GRIN2A: variants seen among roughly 807,000 people sequenced by gnomAD.
GRIN2A encodes the protein glutamate receptor ionotropic, NMDA 2A.
In GRIN2A, 22 loss-of-function variants were observed where a neutral mutation model predicts 113.4. The ratio of observed to expected loss-of-function variants is 0.19; its 90% confidence interval spans 0.14 to 0.28. The LOEUF (loss-of-function observed/expected upper bound fraction) is 0.28, where lower values mean the gene tolerates loss of function less well. Among genes scored for constraint, GRIN2A ranks in the 10% least tolerant of loss-of-function variants. The pLI is 1.00. For synonymous variants in GRIN2A, 827 were observed against 738.4 expected (o/e 1.12, Z -1.94); for missense variants, 1,502 against 1,887.0 (o/e 0.80, Z 3.78).
chr16:10,153,776 T>C (rs1461852466), intron 2 of GRIN2A, among the ~76,000 whole-genome samples: 1 of 152,222 alleles, frequency 6.6e-6, no homozygotes, highest in Non-Finnish European at 1.5e-5. Flanking sequence ...ACCTGCCACT[T>C]GGACAACTGA....
intron 3 of GRIN2A, among the ~76,000 whole-genome samples, chr16:9,902,684 G>A (rs1451845834): frequency 6.6e-6 from 1 of 151,932 alleles, no homozygotes; most frequent in African/African-American, 2.4e-5. Flanking sequence ...GAAAAATGGG[G>A]GGGTGGTACC....
chr16:10,030,161 T>C (rs1287850528), intron 2 of GRIN2A, among the ~76,000 whole-genome samples: 1 of 144,444 alleles, frequency 6.9e-6, no homozygotes, highest in East Asian at 2.1e-4. Flanking sequence ...GCGTTTCAAA[T>C]CATCTTCACG....
chr16:9,782,017 A>G (rs1901968310), intron 11 of GRIN2A, among the ~76,000 whole-genome samples: 1 of 152,216 alleles, frequency 6.6e-6, no homozygotes, highest in Non-Finnish European at 1.5e-5. Flanking sequence ...TTATAATTAA[A>G]GAAATGTGTC....
At chr16:10,006,777 C>G (rs142391585) in intron 2 of GRIN2A, among the ~76,000 whole-genome samples, 93 of 152,268 alleles carry the variant, frequency 6.1e-4, no homozygotes, top group African/African-American at 2.1e-3. Context: ...TCCCAGCACC[C>G]TCTCTCACAA....
At chr16:10,079,888 G>A (rs1184711010) in intron 2 of GRIN2A, among the ~76,000 whole-genome samples, 2 of 152,196 alleles carry the variant, frequency 1.3e-5, no homozygotes, top group African/African-American at 4.8e-5. Flanking sequence ...TGATTTTTAT[G>A]TGTTTGTATC....
At chr16:10,122,019 T>A (rs1293370933) in intron 2 of GRIN2A, among the ~76,000 whole-genome samples, 1 of 152,186 alleles carries the variant, frequency 6.6e-6, no homozygotes, top group African/African-American at 2.4e-5. Flanking sequence ...CACAAAGGCT[T>A]CACGTCAGAT....
intron 3 of GRIN2A, among the ~76,000 whole-genome samples, chr16:9,926,944 G>T (rs2044478766): frequency 6.6e-6 from 1 of 150,524 alleles, no homozygotes. Context: ...AAAAAAACAT[G>T]CACACAACAC....
intron 3 of GRIN2A, among the ~76,000 whole-genome samples, chr16:9,920,592 C>A (rs1275542836): frequency 6.9e-6 from 1 of 145,336 alleles, no homozygotes; most frequent in East Asian, 2.0e-4. Flanking sequence ...CAGATGGAGT[C>A]TTGCTTGCTC....
intron 9 of GRIN2A, among the ~76,000 whole-genome samples, chr16:9,826,686 A>G (rs1264687453): frequency 6.6e-6 from 1 of 152,122 alleles, no homozygotes; most frequent in Non-Finnish European, 1.5e-5. Flanking sequence ...TGTTTATCTC[A>G]TTGTATCAAA....
chr16:9,867,331 T>G (rs1198330925), intron 4 of GRIN2A, among the ~76,000 whole-genome samples: 2 of 152,134 alleles, frequency 1.3e-5, no homozygotes, highest in Non-Finnish European at 2.9e-5. Context: ...ATTTCAAACC[T>G]TCACACCTGC....
At chr16:9,955,829 C>T (rs1401367240) in intron 2 of GRIN2A, among the ~76,000 whole-genome samples, 1 of 152,170 alleles carries the variant, frequency 6.6e-6, no homozygotes, top group African/African-American at 2.4e-5. Context: ...CACACAGCAT[C>T]GAGTAAGTCA....
chr16:9,820,700 G>A (rs1043115354), intron 10 of GRIN2A, among the ~76,000 whole-genome samples: 8 of 152,070 alleles, frequency 5.3e-5, no homozygotes, highest in South Asian at 4.2e-4. Flanking sequence ...AAGAATCTAC[G>A]GCTTTAGAAG....
intron 9 of GRIN2A, among the ~76,000 whole-genome samples, chr16:9,826,530 AAAAAAACAAAAAC>A (rs1451081856): frequency 3.9e-5 from 6 of 152,166 alleles, no homozygotes; most frequent in African/African-American, 9.7e-5. Flanking sequence ...AACAAACAAC[AAAAAAACAAAAAC>A]AAAAAACAAA....
chr16:10,098,502 A>T (rs1328668007), intron 2 of GRIN2A, among the ~76,000 whole-genome samples: 1 of 152,210 alleles, frequency 6.6e-6, no homozygotes, highest in Non-Finnish European at 1.5e-5. Flanking sequence ...ACATTTGCAC[A>T]CACATGTTTA....
intron 2 of GRIN2A, among the ~76,000 whole-genome samples, chr16:9,988,268 GGTGTGTGTGTGTGTGC>G (rs1160130062): frequency 8.2e-6 from 1 of 121,766 alleles, no homozygotes; most frequent in African/African-American, 3.1e-5. Context: ...GATCCATAGG[GGTGTGTGTGTGTGTGC>G]GTGTGTGTGT....
At position 9,840,632 on chromosome 16, in the gene GRIN2A, A is replaced by T. The variant is rs374017399; in HGVS notation, c.1651+15T>A. On this transcript the variant is annotated intron_variant, in intron 7 of 12. Coordinates refer to ENST00000330684, the MANE Select transcript of GRIN2A (RefSeq NM_001134407.3). ...TCCTTATAGGAAAGCAATAGTCACT[A>T]TGAAATTCACACACCTAGAAAAGCA... The T allele has an allele frequency of 6.2e-7, 1 of 1,610,702 alleles. No homozygotes were observed.
intron 2 of GRIN2A, among the ~76,000 whole-genome samples, chr16:10,153,834 C>T (rs1289870081): frequency 1.3e-5 from 2 of 152,194 alleles, no homozygotes; most frequent in Non-Finnish European, 2.9e-5. Flanking sequence ...TCAAGATATT[C>T]ATTCAACAAA....
chr16:10,049,661 G>A (rs913910021), intron 2 of GRIN2A, among the ~76,000 whole-genome samples: 4 of 152,174 alleles, frequency 2.6e-5, no homozygotes, highest in African/African-American at 4.8e-5. Flanking sequence ...TTACAGGCAT[G>A]AGTCACCGCG....
At chr16:9,789,569 C>G (rs112739963) in intron 11 of GRIN2A, among the ~76,000 whole-genome samples, 6 of 61,162 alleles carry the variant, frequency 9.8e-5, no homozygotes, top group South Asian at 6.9e-4. Context: ...CACACACACA[C>G]ACACACACAC....
Sources: gnomAD v4.1 joint callset for allele counts (sites outside exome capture counted in the v4.1 genomes callset) on GRCh38, gnomAD v4.1.1 for gene constraint, MANE v1.5 for transcripts, NCBI Gene and HGNC (gene_info 2026-07-23, HGNC 2026-07-21) for gene names.